Variants in B3GALT1 observed in about 807,000 individuals in gnomAD.
B3GALT1 encodes the protein UDP-Gal:betaGlcNAc beta 1,3-galactosyltransferase, polypeptide 1.
B3GALT1 carries 10 observed loss-of-function variants against 23.2 expected under a neutral mutation model. The ratio of observed to expected loss-of-function variants is 0.43; its 90% CI spans 0.27 to 0.73. B3GALT1 has a LOEUF of 0.73. Ranked by LOEUF, B3GALT1 falls within the 30% of genes least tolerant of loss-of-function variation. The pLI is 0.21. For missense variants in B3GALT1, 299 were observed against 405.4 expected (o/e 0.74, Z 2.25); for synonymous variants, 156 against 141.5 (o/e 1.10, Z -0.73).
intron 1 of B3GALT1, among the ~76,000 whole-genome samples, chr2:167,488,854 G>T (rs898426865): frequency 2.0e-5 from 3 of 151,662 alleles, no homozygotes; most frequent in African/African-American, 7.3e-5. Context: ...TTTGTGTCAG[G>T]CTTGTTTCAT....
intron 3 of B3GALT1, among the ~76,000 whole-genome samples, chr2:167,742,848 G>A (rs1687595772): frequency 6.6e-6 from 1 of 151,858 alleles, no homozygotes; most frequent in Non-Finnish European, 1.5e-5. Context: ...CTTTCTTCTG[G>A]TTCTCCTCTA....
At chr2:167,557,839 G>A (rs762983402) in intron 2 of B3GALT1, among the ~76,000 whole-genome samples, 5 of 152,188 alleles carry the variant, frequency 3.3e-5, no homozygotes, top group Non-Finnish European at 7.3e-5. Flanking sequence ...CCTGGGAAAG[G>A]AAGAATCCAA....
chr2:167,379,125 T>C (rs1441429431), intron 1 of B3GALT1, among the ~76,000 whole-genome samples: 1 of 152,080 alleles, frequency 6.6e-6, no homozygotes, highest in African/African-American at 2.4e-5. Context: ...CTTACAGTCA[T>C]GGTGGAAGGT....
intron 4 of B3GALT1, among the ~76,000 whole-genome samples, chr2:167,823,784 A>G (rs529501847): frequency 6.6e-6 from 1 of 152,234 alleles, no homozygotes; most frequent in African/African-American, 2.4e-5. Context: ...TGCTGTCAGC[A>G]TATCACCCAG....
At chr2:167,647,029 G>A (rs1447716665) in intron 3 of B3GALT1, among the ~76,000 whole-genome samples, 63 bp downstream of exon 3, 2 of 152,094 alleles carry the variant, frequency 1.3e-5, no homozygotes, top group East Asian at 3.9e-4. Flanking sequence ...GATCCTCAGT[G>A]GTCTCATCTC....
chr2:167,525,658 G>C (rs1377630343), intron 2 of B3GALT1, among the ~76,000 whole-genome samples: 1 of 151,810 alleles, frequency 6.6e-6, no homozygotes, highest in Non-Finnish European at 1.5e-5. Context: ...TTTTGAGACA[G>C]GGTCTCACTT....
intron 1 of B3GALT1, among the ~76,000 whole-genome samples, chr2:167,312,169 G>A (rs969281508): frequency 2.0e-5 from 3 of 151,888 alleles, no homozygotes; most frequent in African/African-American, 7.2e-5. Flanking sequence ...TATTAAAAGA[G>A]TTACTTTATG....
chr2:167,408,304 G>A (rs542053909), intron 1 of B3GALT1, among the ~76,000 whole-genome samples: 2 of 152,194 alleles, frequency 1.3e-5, no homozygotes, highest in African/African-American at 2.4e-5. Flanking sequence ...AAAAGCATTT[G>A]ATAAAATTCA....
chr2:167,737,689 G>C (rs1487446608), intron 3 of B3GALT1, among the ~76,000 whole-genome samples: 1 of 152,212 alleles, frequency 6.6e-6, no homozygotes, highest in Non-Finnish European at 1.5e-5. Flanking sequence ...GGAGGGAACT[G>C]TAAGAGACCA....
In B3GALT1 at chr2:167,655,846, T is replaced by A. The variant is rs958343698; in HGVS notation, c.-352+8880T>A. ...TTGACAATGTAGGCCTGTGAGTTAGTCAAAAGACTTTTAAATGTCTGATCA... is the reference window on the plus strand; with the variant it reads ...TTGACAATGTAGGCCTGTGAGTTAGACAAAAGACTTTTAAATGTCTGATCA... On this transcript the variant is annotated intron_variant, in intron 3 of 4. Transcript: ENST00000392690. Among the ~76,000 whole-genome samples the A allele has an allele frequency of 3.3e-5, 5 of 152,310 alleles. 1 individual carries two copies. In the South Asian group the frequency reaches 8.3e-4, roughly 25 times the overall value.
At chr2:167,612,015 G>A (rs925756737) in intron 2 of B3GALT1, among the ~76,000 whole-genome samples, 3 of 151,964 alleles carry the variant, frequency 2.0e-5, no homozygotes, top group Non-Finnish European at 4.4e-5. Context: ...AGTTCCTAAC[G>A]TTACTGGCAG....
rs1690371103 is a variant in B3GALT1 at position 167,872,431 on chromosome 2, C to T, written c.*2411C>T. ...GATTAGACAATAGCAATTAGGTAAC[C>T]TGGGGAGAGATGGATCAGCACAAGG... On this transcript the variant is annotated 3_prime_UTR_variant, in exon 5 of 5. Coordinates refer to ENST00000392690, the MANE Select transcript of B3GALT1 (RefSeq NM_020981.4). 6.6e-6 allele frequency: 1 copy of T among 152,174 alleles called. No individual in the cohort carries two copies. Among genetic ancestry groups the T allele is most frequent in the African/African-American group, 2.4e-5 (1 of 41,434 alleles). The allele number at this position is 152,174 out of a possible 1,614,324, so 9.4% of individuals were successfully genotyped here. A position where few individuals can be genotyped will look rare whatever the true frequency, so the allele number is the denominator to read the frequency against.
At chr2:167,343,903 T>C (rs1697188423) in intron 1 of B3GALT1, among the ~76,000 whole-genome samples, 1 of 152,158 alleles carries the variant, frequency 6.6e-6, no homozygotes, top group Admixed American at 6.5e-5. Flanking sequence ...AAATGCTTGC[T>C]CAAGTCCTTT....
At chr2:167,865,844 G>A (rs1192705835) in intron 4 of B3GALT1, among the ~76,000 whole-genome samples, 1 of 152,026 alleles carries the variant, frequency 6.6e-6, no homozygotes, top group Non-Finnish European at 1.5e-5. Context: ...AATGGAACAG[G>A]ATTTGGGGAA....
At chr2:167,548,117 A>T (rs191623402) in intron 2 of B3GALT1, among the ~76,000 whole-genome samples, 25 of 152,316 alleles carry the variant, frequency 1.6e-4, no homozygotes, top group African/African-American at 5.8e-4. Context: ...AGTTCAAATC[A>T]GTTAAATAAT....
At chr2:167,760,413 G>A (rs1180205254) in intron 3 of B3GALT1, among the ~76,000 whole-genome samples, 2 of 152,130 alleles carry the variant, frequency 1.3e-5, no homozygotes, top group African/African-American at 4.8e-5. Flanking sequence ...AAAATGCATT[G>A]TTTTGATGAA....
rs146714680 is a variant in B3GALT1 at position 167,483,161 on chromosome 2, C to T, written c.-510-7016C>T. Among the ~76,000 whole-genome samples, 423 of 151,854 alleles carry T rather than the reference C, an allele frequency of 2.8e-3. 14 individuals are homozygous for T. In the East Asian group the frequency reaches 0.063, roughly 22 times the overall value. On this transcript the variant is annotated intron_variant, in intron 1 of 4. Transcript: ENST00000392690. ...ATACAAAATTAGCTGGGCGTGGTGA[C>T]GCATGCCTGTAATCCCAGCTACTCG... is the stretch of plus-strand genomic sequence containing the variant.
At chr2:167,466,138 A>C (rs73022078) in intron 1 of B3GALT1, among the ~76,000 whole-genome samples, 5,624 of 152,248 alleles carry the variant, frequency 0.037, 330 homozygotes, top group African/African-American at 0.13. Flanking sequence ...AATTCTTCTT[A>C]AGGAAATGTT....
intron 3 of B3GALT1, among the ~76,000 whole-genome samples, chr2:167,657,595 A>G (rs550553364): frequency 6.6e-6 from 1 of 152,232 alleles, no homozygotes; most frequent in African/African-American, 2.4e-5. Context: ...TCAAATTGGG[A>G]CAAACATCTA....
Sources: allele counts gnomAD v4.1 joint callset (sites outside exome capture counted in the v4.1 genomes callset), GRCh38; gene constraint gnomAD v4.1.1; transcripts MANE v1.5; gene names NCBI Gene and HGNC (gene_info 2026-07-23, HGNC 2026-07-21).